RFTN1: variants seen among roughly 807,000 people sequenced by gnomAD.
The protein encoded by RFTN1 is raftlin.
RFTN1 carries 26 observed loss-of-function variants against 46.5 expected under a neutral mutation model. That is an observed-to-expected ratio of 0.56 (90% confidence interval 0.41 to 0.78). The LOEUF is 0.78. Among genes scored for constraint, RFTN1 ranks in the 30% least tolerant of loss-of-function variants. The probability of loss-of-function intolerance (pLI) is 0.00; values close to 1 mark genes in which losing one functional copy is unlikely to be tolerated. For missense variants in RFTN1, 693 were observed against 718.7 expected (o/e 0.96, Z 0.41); for synonymous variants, 261 against 284.2 (o/e 0.92, Z 0.82).
chr3:16,377,162 C>T (rs1437242686), intron 5 of RFTN1, among the ~76,000 whole-genome samples: 26 of 151,918 alleles, frequency 1.7e-4, no homozygotes, highest in Non-Finnish European at 3.7e-4. Context: ...TTATTAAGGG[C>T]CTCGGCAAAT....
rs1025994829 is a variant in RFTN1, at chr3:16,465,994, G to A, written c.145+27731C>T. ...CTTAGATTTCTCCAGAGGCAGAAAG[G>A]CAGAAGCAGAACTTAGCTCACATTT... On this transcript the variant is annotated intron_variant, in intron 2 of 9. Coordinates refer to ENST00000334133, the MANE Select transcript of RFTN1 (RefSeq NM_015150.2). This position sits in a 1 kb window ranked among gnomAD's most constrained non-coding sequence, Gnocchi z 5.1. Among the ~76,000 whole-genome samples, 1 of 152,346 alleles carries A rather than the reference G, an allele frequency of 6.6e-6. No homozygotes were observed. The highest frequency in any genetic ancestry group is 1.5e-5 in the Non-Finnish European group (1 of 68,038).
chr3:16,411,870 A>G (rs1207762209), intron 3 of RFTN1, among the ~76,000 whole-genome samples: 1 of 152,244 alleles, frequency 6.6e-6, no homozygotes, highest in Non-Finnish European at 1.5e-5. Flanking sequence ...CATTTTAAAT[A>G]AGTCAATGCT....
At chr3:16,496,029 T>A (rs1001425585) in intron 1 of RFTN1, among the ~76,000 whole-genome samples, 1 of 152,254 alleles carries the variant, frequency 6.6e-6, no homozygotes, top group African/African-American at 2.4e-5. Context: ...ATTTTGACAA[T>A]GTGGGCTATA....
At chr3:16,497,287 T>C (rs1292101394) in intron 1 of RFTN1, among the ~76,000 whole-genome samples, 1 of 152,206 alleles carries the variant, frequency 6.6e-6, no homozygotes, top group East Asian at 1.9e-4. Context: ...AACGTGAGGA[T>C]GGAATAAAGG....
chr3:16,511,927 G>A lies in RFTN1; in HGVS notation c.-9+1515C>T, dbSNP rs1374884243. Among the ~76,000 whole-genome samples the A allele has an allele frequency of 2.0e-5, 3 of 152,050 alleles. No individual in the cohort carries two copies. In the East Asian group the frequency reaches 5.8e-4, roughly 29 times the overall value. ...AAGCAAACAAAGAAAAACCAACCCA[G>A]TGACTTGATATACAAATGCAGCCAG... On this transcript the variant is annotated intron_variant, in intron 1 of 9. Transcript: ENST00000334133.
In RFTN1 at chr3:16,481,880, C is replaced by T. The variant is rs972280638; in HGVS notation, c.145+11845G>A. Among the ~76,000 whole-genome samples the T allele has an allele frequency of 6.6e-6, 1 of 152,194 alleles. No homozygotes were observed. Among genetic ancestry groups the T allele is most frequent in the Non-Finnish European group, 1.5e-5 (1 of 68,032 alleles). On this transcript the variant is annotated intron_variant, in intron 2 of 9. Transcript: ENST00000334133. The surrounding 1 kb of genome is among the most constrained non-coding windows in gnomAD (Gnocchi z 5.1). ...GCAAAGGAGGAGTCTATATTCAGCA[C>T]AGGAAAAGTCCCGATATTGGCACAC...
Position 16,447,113 on chromosome 3 carries a change from C to T in RFTN1, c.146-13076G>A, listed in dbSNP as rs2124895537. On this transcript the variant is annotated intron_variant, in intron 2 of 9. Transcript: ENST00000334133. This position sits in a 1 kb window ranked among gnomAD's most constrained non-coding sequence, Gnocchi z 5.9. The stretch of plus-strand genomic sequence containing the variant: ...CAGCAAATTCCTATCAGTGGATTCT[C>T]CTTTTCCTCACTGTAGTGTAGACAC... 6.6e-6 allele frequency among the ~76,000 whole-genome samples: 1 copy of T among 152,298 alleles called. No homozygotes were observed. Among genetic ancestry groups the T allele is most frequent in the South Asian group, 2.1e-4 (1 of 4,818 alleles).
chr3:16,404,850 C>G (rs923498631), intron 4 of RFTN1, among the ~76,000 whole-genome samples: 2 of 152,124 alleles, frequency 1.3e-5, no homozygotes, highest in African/African-American at 4.8e-5. Flanking sequence ...GGGTCTAATC[C>G]AGGCTCCATC....
Position 16,457,026 on chromosome 3 carries a change from C to T in RFTN1, c.146-22989G>A, listed in dbSNP as rs1036466921. 6.6e-6 allele frequency among the ~76,000 whole-genome samples: 1 copy of T among 152,134 alleles called. No homozygotes were observed. Among genetic ancestry groups the T allele is most frequent in the African/African-American group, 2.4e-5 (1 of 41,426 alleles). ...AAGTTTTTTTTTTAAATGACAGATGCCATTGCTATAAGAACTTTAATAAGT... is the reference window on the plus strand; with the variant it reads ...AAGTTTTTTTTTTAAATGACAGATGTCATTGCTATAAGAACTTTAATAAGT... On this transcript the variant is annotated intron_variant, in intron 2 of 9. Coordinates refer to ENST00000334133, the MANE Select transcript of RFTN1 (RefSeq NM_015150.2). The surrounding 1 kb of genome is among the most constrained non-coding windows in gnomAD (Gnocchi z 4.2).
At chr3:16,355,275 C>A (rs942386123) in intron 7 of RFTN1, among the ~76,000 whole-genome samples, 12 of 152,344 alleles carry the variant, frequency 7.9e-5, no homozygotes, top group Admixed American at 6.5e-4. Context: ...CTTCTTGGTA[C>A]CAATTTCTGT....
In RFTN1 at chr3:16,407,694, CCAAA is replaced by C. The variant is rs1216117119; in HGVS notation, c.441+1677_441+1680del. On this transcript the variant is annotated intron_variant, in intron 4 of 9. Transcript: ENST00000334133. The surrounding 1 kb of genome is among the most constrained non-coding windows in gnomAD (Gnocchi z 4.0). ...ATACAAGTTGATTATTTGCAGCAAT[CCAAA>C]CAAAGATAGCTCTATTTCTATAGAA... Among the ~76,000 whole-genome samples, 3 of 152,146 alleles carry C rather than the reference CCAAA, an allele frequency of 2.0e-5. No homozygotes were observed. Among genetic ancestry groups the C allele is most frequent in the Non-Finnish European group, 2.9e-5 (2 of 68,034 alleles).
chr3:16,423,884 C>A (rs551248561), intron 3 of RFTN1, among the ~76,000 whole-genome samples: 1 of 152,132 alleles, frequency 6.6e-6, no homozygotes, highest in African/African-American at 2.4e-5. Context: ...CCAAAAGACA[C>A]GTAATAAATA....
At chr3:16,401,430 C>A (rs999211769) in intron 4 of RFTN1, among the ~76,000 whole-genome samples, 1 of 152,144 alleles carries the variant, frequency 6.6e-6, no homozygotes, top group African/African-American at 2.4e-5. Context: ...AAGGCCTCTG[C>A]CTGTTTTATA....
intron 4 of RFTN1, among the ~76,000 whole-genome samples, chr3:16,393,926 TG>T (rs1401522282): frequency 3.3e-5 from 5 of 152,176 alleles, no homozygotes; most frequent in Admixed American, 3.3e-4. Flanking sequence ...CCCAAAATGC[TG>T]GGATTACAGG....
chr3:16,404,297 T>A (rs778010004), intron 4 of RFTN1, among the ~76,000 whole-genome samples: 1 of 19,192 alleles, frequency 5.2e-5, no homozygotes, highest in African/African-American at 2.9e-4. Context: ...ATAATATATA[T>A]AATATGTAAT....
In RFTN1 at chr3:16,316,447, T is replaced by G; in HGVS notation, c.*381A>C. On this transcript the variant is annotated 3_prime_UTR_variant, in exon 10 of 10. Coordinates refer to ENST00000334133, the MANE Select transcript of RFTN1 (RefSeq NM_015150.2). The surrounding 1 kb of genome is among the most constrained non-coding windows in gnomAD (Gnocchi z 4.5). ...GATGTGGGATGAACAGCAGCCTTGGTTTGTAGCCCAGGGTGTCCATGGATT... is the reference window on the plus strand; with the variant it reads ...GATGTGGGATGAACAGCAGCCTTGGGTTGTAGCCCAGGGTGTCCATGGATT... 3.6e-6 allele frequency: 1 copy of G among 281,512 alleles called. No individual in the cohort carries two copies. The highest frequency in any genetic ancestry group is 6.8e-6 in the Non-Finnish European group (1 of 146,726). 17.4% of individuals were successfully genotyped at this position (281,512 alleles called of 1,614,324 possible).
chr3:16,377,550 ACAGT>A (rs752382895), intron 5 of RFTN1, among the ~76,000 whole-genome samples, 164 bp downstream of exon 5: 19 of 152,198 alleles, frequency 1.2e-4, no homozygotes, highest in Non-Finnish European at 1.9e-4. Context: ...CAGTAAGTAA[ACAGT>A]CAGGTGGCAC....
chr3:16,367,271 C>T (rs689953), intron 6 of RFTN1, among the ~76,000 whole-genome samples: 78,477 of 149,222 alleles, frequency 0.53, 20,684 homozygotes, highest in Middle Eastern at 0.57. Flanking sequence ...CTTATGATTA[C>T]GATTAGCTTG....
chr3:16,377,590 C>T, intron 5 of RFTN1, 128 bp downstream of exon 5: 2 of 1,419,878 alleles, frequency 1.4e-6, no homozygotes, highest in South Asian at 2.9e-5. Context: ...AAAGTTTCTC[C>T]TGTTTGATGG....
Sources: gnomAD v4.1 joint callset for allele counts (sites outside exome capture counted in the v4.1 genomes callset) on GRCh38, gnomAD v4.1.1 for gene constraint, Gnocchi (gnomAD v3.1) non-coding constraint, MANE v1.5 for transcripts, NCBI Gene and HGNC (gene_info 2026-07-23, HGNC 2026-07-21) for gene names.